C1orf21: variants seen among roughly 807,000 people sequenced by gnomAD.
C1orf21 encodes uncharacterized protein C1orf21.
C1orf21 carries 3 observed loss-of-function variants against 18.7 expected under a neutral mutation model. The observed-to-expected ratio is 0.16, with a 90% CI of 0.07 to 0.42. The LOEUF (loss-of-function observed/expected upper bound fraction) is 0.42. Among genes scored for constraint, C1orf21 ranks in the 10% least tolerant of loss-of-function variants. The pLI, the probability that C1orf21 is intolerant of heterozygous loss-of-function variation, is 0.99. For synonymous variants in C1orf21, 41 were observed against 46.4 expected (o/e 0.88, Z 0.47); for missense variants, 104 against 143.6 (o/e 0.72, Z 1.41).
At chr1:184,491,275 A>T (rs1218814026) in intron 2 of C1orf21, among the ~76,000 whole-genome samples, 1 of 152,164 alleles carries the variant, frequency 6.6e-6, no homozygotes, top group African/African-American at 2.4e-5. Flanking sequence ...CTTCATTCAG[A>T]AAAAGCAAAA....
intron 5 of C1orf21, 68 bp from the exon 6 acceptor site, chr1:184,619,450 C>A: frequency 6.5e-7 from 1 of 1,526,980 alleles, no homozygotes; most frequent in African/African-American, 1.4e-5. Flanking sequence ...AAATTGATTA[C>A]AAGTAACTAT....
intron 3 of C1orf21, among the ~76,000 whole-genome samples, chr1:184,548,130 G>A (rs1348323159): frequency 1.3e-5 from 2 of 151,928 alleles, no homozygotes; most frequent in Non-Finnish European, 2.9e-5. Flanking sequence ...CTTAGAAAAT[G>A]ATAATCAGGT....
At chr1:184,537,014 C>G (rs1455996261) in intron 3 of C1orf21, among the ~76,000 whole-genome samples, 1 of 152,136 alleles carries the variant, frequency 6.6e-6, no homozygotes, top group Non-Finnish European at 1.5e-5. Flanking sequence ...GTACTAATTC[C>G]CTCCCTTGCA....
intron 3 of C1orf21, among the ~76,000 whole-genome samples, chr1:184,511,335 C>T (rs1012023745): frequency 2.0e-5 from 3 of 152,064 alleles, no homozygotes; most frequent in African/African-American, 7.2e-5. Context: ...ATACATAAAC[C>T]CCCCTTGGGA....
chr1:184,559,445 G>A (rs12134281), intron 3 of C1orf21, among the ~76,000 whole-genome samples: 94,787 of 139,084 alleles, frequency 0.68, 33,792 homozygotes, highest in African/African-American at 0.91. Context: ...TAAATTACCT[G>A]GTGTCAGGCA....
intron 1 of C1orf21, among the ~76,000 whole-genome samples, chr1:184,453,733 T>C (rs1657156376): frequency 6.6e-6 from 1 of 152,214 alleles, no homozygotes; most frequent in African/African-American, 2.4e-5. Context: ...TTAGCTTTTA[T>C]GTGTGAAACC....
chr1:184,534,207 C>T (rs964386805), intron 3 of C1orf21, among the ~76,000 whole-genome samples: 5 of 152,052 alleles, frequency 3.3e-5, no homozygotes, highest in South Asian at 2.1e-4. Flanking sequence ...ACTGTGAGGT[C>T]GGTACTGTGG....
intron 1 of C1orf21, among the ~76,000 whole-genome samples, chr1:184,422,648 A>G (rs1276179693): frequency 2.0e-5 from 3 of 152,224 alleles, no homozygotes; most frequent in African/African-American, 4.8e-5. Context: ...AAAAATTTTC[A>G]GCACACTATT....
intron 2 of C1orf21, among the ~76,000 whole-genome samples, chr1:184,484,259 T>A (rs558099868): frequency 6.6e-6 from 1 of 152,144 alleles, no homozygotes; most frequent in African/African-American, 2.4e-5. Context: ...TTCAGTCAAC[T>A]GAGCAAGGCA....
At chr1:184,513,979 G>A (rs1658188037) in intron 3 of C1orf21, among the ~76,000 whole-genome samples, 1 of 152,186 alleles carries the variant, frequency 6.6e-6, no homozygotes, top group Admixed American at 6.5e-5. Context: ...CTTGCTTAAA[G>A]GAGAAGCCTT....
intron 2 of C1orf21, among the ~76,000 whole-genome samples, chr1:184,495,280 T>G (rs139651205): frequency 6.6e-6 from 1 of 152,298 alleles, no homozygotes; most frequent in African/African-American, 2.4e-5. Context: ...AGCTCCAGTT[T>G]CTGATCTCCA....
chr1:184,398,128 G>A (rs1348595211), intron 1 of C1orf21, among the ~76,000 whole-genome samples: 1 of 152,186 alleles, frequency 6.6e-6, no homozygotes, highest in Non-Finnish European at 1.5e-5. Flanking sequence ...CCTAACTCCA[G>A]ATTAGTGATC....
intron 5 of C1orf21, among the ~76,000 whole-genome samples, chr1:184,615,037 G>A (rs1659800091): frequency 6.6e-6 from 1 of 152,202 alleles, no homozygotes; most frequent in Non-Finnish European, 1.5e-5. Flanking sequence ...TGGAGGAACA[G>A]TTTCTTAAAG....
At chr1:184,465,467 A>T (rs1433497079) in intron 1 of C1orf21, among the ~76,000 whole-genome samples, 1 of 152,240 alleles carries the variant, frequency 6.6e-6, no homozygotes, top group Non-Finnish European at 1.5e-5. Flanking sequence ...AAAATGATCT[A>T]CAAATTTAGA....
intron 1 of C1orf21, among the ~76,000 whole-genome samples, chr1:184,432,174 G>A (rs9727005): frequency 0.35 from 53,225 of 152,040 alleles, 11,076 homozygotes; most frequent in African/African-American, 0.59. Flanking sequence ...ATTACTGGGT[G>A]TATACCCAAA....
intron 3 of C1orf21, among the ~76,000 whole-genome samples, chr1:184,533,105 G>T (rs1658491981): frequency 6.6e-6 from 1 of 151,858 alleles, no homozygotes; most frequent in Admixed American, 6.6e-5. Context: ...GTAATAACCT[G>T]AGCAGGGATG....
At chr1:184,551,997 A>T (rs1658820205) in intron 3 of C1orf21, among the ~76,000 whole-genome samples, 1 of 151,982 alleles carries the variant, frequency 6.6e-6, no homozygotes, top group Non-Finnish European at 1.5e-5. Context: ...TTTTTAAAAC[A>T]AAAAGAAAAC....
chr1:184,590,445 G>A (rs1053278329), intron 3 of C1orf21, among the ~76,000 whole-genome samples: 4 of 152,170 alleles, frequency 2.6e-5, no homozygotes, highest in African/African-American at 9.7e-5. Context: ...TAGATCTTCT[G>A]TTCTTTGATT....
At chr1:184,443,908 C>G (rs1379974086) in intron 1 of C1orf21, among the ~76,000 whole-genome samples, 9 of 152,146 alleles carry the variant, frequency 5.9e-5, no homozygotes. Context: ...AATCCCATGA[C>G]AGGGGGTATA....
Sources: gnomAD v4.1 joint callset for allele counts (sites outside exome capture counted in the v4.1 genomes callset) on GRCh38, gnomAD v4.1.1 for gene constraint, MANE v1.5 for transcripts, NCBI Gene and HGNC (gene_info 2026-07-23, HGNC 2026-07-21) for gene names.